Variants in MAGI2 observed in about 807,000 individuals in gnomAD.
MAGI2 encodes the protein membrane-associated guanylate kinase, WW and PDZ domain-containing protein 2.
In MAGI2, 35 loss-of-function variants were observed where a neutral mutation model predicts 133.3. That is an observed-to-expected ratio of 0.26 (90% CI 0.20 to 0.35). MAGI2 has a LOEUF of 0.35. Among genes scored for constraint, MAGI2 ranks in the 10% least tolerant of loss-of-function variants. The pLI, the probability that MAGI2 is intolerant of heterozygous loss-of-function variation, is 1.00. For missense variants in MAGI2, 1,636 were observed against 1,863.4 expected, an observed-to-expected ratio of 0.88 and a Z score of 2.25; for synonymous variants, 729 against 710.6, an observed-to-expected ratio of 1.03 and a Z score of -0.41.
rs1563065561 is a variant in MAGI2, at chr7:78,482,890, CACACACACACA to C, written c.1045+6860_1045+6870del. Among the ~76,000 whole-genome samples, 825 of 148,646 alleles carry C rather than the reference CACACACACACA, an allele frequency of 5.6e-3. 4 individuals carry two copies. Among genetic ancestry groups the C allele is most frequent in the African/African-American group, 0.017 (663 of 39,432 alleles). The stretch of plus-strand genomic sequence containing the variant: ...CATCACATGGAACTACACACACACA[CACACACACACA>C]CACACACACACACACACACACACGA... On this transcript the variant is annotated intron_variant, in intron 6 of 21. Coordinates refer to ENST00000354212, the MANE Select transcript of MAGI2 (RefSeq NM_012301.4).
At chr7:79,402,244 A>T (rs2129163530) in intron 1 of MAGI2, among the ~76,000 whole-genome samples, 1 of 152,224 alleles carries the variant, frequency 6.6e-6, no homozygotes, top group Admixed American at 6.5e-5. Flanking sequence ...GAACTAATAA[A>T]TTTTTTAAAA....
intron 3 of MAGI2, among the ~76,000 whole-genome samples, chr7:78,587,446 T>C (rs192722498): frequency 4.7e-4 from 72 of 152,322 alleles, no homozygotes; most frequent in Non-Finnish European, 8.8e-5. Context: ...CTAAATGCAG[T>C]TCATTAAAAA....
intron 2 of MAGI2, among the ~76,000 whole-genome samples, chr7:78,634,877 A>G (rs145835560): frequency 1.3e-5 from 2 of 152,254 alleles, no homozygotes; most frequent in East Asian, 1.9e-4. Context: ...GGTGTATAGG[A>G]AAGTCCAAAA....
chr7:78,437,567 C>T (rs1787168062), intron 6 of MAGI2, among the ~76,000 whole-genome samples: 1 of 152,148 alleles, frequency 6.6e-6, no homozygotes, highest in South Asian at 2.1e-4. Flanking sequence ...GTGCCCTCAT[C>T]TTGACAGCAG....
At chr7:78,354,969 A>T (rs1791912268) in intron 7 of MAGI2, among the ~76,000 whole-genome samples, 1 of 152,164 alleles carries the variant, frequency 6.6e-6, no homozygotes, top group Admixed American at 6.5e-5. Flanking sequence ...TAGAGGATAA[A>T]GGTTCAGCAG....
At chr7:78,573,245 T>TATAA (rs1354079193) in intron 3 of MAGI2, among the ~76,000 whole-genome samples, 1 of 52,430 alleles carries the variant, frequency 1.9e-5, no homozygotes, top group African/African-American at 8.8e-5. Context: ...TATATATATA[T>TATAA]AAATATATAT....
At chr7:78,986,751 T>C (rs1416959568) in intron 2 of MAGI2, among the ~76,000 whole-genome samples, 1 of 152,040 alleles carries the variant, frequency 6.6e-6, no homozygotes, top group Non-Finnish European at 1.5e-5. Flanking sequence ...TGACCTCAGA[T>C]ATATACATAT....
intron 6 of MAGI2, among the ~76,000 whole-genome samples, chr7:78,426,625 T>G (rs1799306917): frequency 6.6e-6 from 1 of 150,492 alleles, no homozygotes; most frequent in African/African-American, 2.4e-5. Flanking sequence ...ATAAATTAAT[T>G]AAAAAAAAAG....
At chr7:78,577,346 T>C (rs1347284478) in intron 3 of MAGI2, among the ~76,000 whole-genome samples, 2 of 152,190 alleles carry the variant, frequency 1.3e-5, no homozygotes, top group East Asian at 3.8e-4. Context: ...GGGGTCCTAA[T>C]TGAATTAAAA....
chr7:78,393,516 C>G (rs1299341370), intron 6 of MAGI2, among the ~76,000 whole-genome samples: 1 of 152,156 alleles, frequency 6.6e-6, no homozygotes, highest in Admixed American at 6.5e-5. Context: ...GTTTTGCCAC[C>G]TTTCTTGTGA....
chr7:78,195,052 T>A lies in MAGI2; in HGVS notation c.2091A>T (p.Arg697=). The change falls in exon 12 of 22, where the codon CGA becomes CGT. Residue 697 remains arginine (R), a synonymous_variant. Transcript: ENST00000354212. ...TTTGAGGACTGCCTTGATTCTCCCA[T>A]CGGTCCATTATCTGAAAAGTGACAG... ...PWKTPKPIMD[R]WENQGSPQTS... The A allele has an allele frequency of 6.2e-7, 1 of 1,606,368 alleles. No homozygotes were observed. The highest frequency in any genetic ancestry group is 1.7e-4 in the Middle Eastern group (1 of 6,014).
chr7:79,214,433 AT>A (rs1439022619), intron 1 of MAGI2, among the ~76,000 whole-genome samples: 3 of 128,354 alleles, frequency 2.3e-5, no homozygotes, highest in East Asian at 4.5e-4. Context: ...ATATATATAT[AT>A]ATATATATAA....
At chr7:78,907,813 AAGG>A (rs1165517375) in intron 2 of MAGI2, among the ~76,000 whole-genome samples, 1 of 152,146 alleles carries the variant, frequency 6.6e-6, no homozygotes, top group African/African-American at 2.4e-5. Context: ...ATGTTTCAGA[AAGG>A]AGGTGTGGGG....
intron 9 of MAGI2, among the ~76,000 whole-genome samples, chr7:78,266,140 G>T (rs1206982289): frequency 1.3e-5 from 2 of 152,206 alleles, no homozygotes; most frequent in Non-Finnish European, 2.9e-5. Flanking sequence ...GTAATTGTGT[G>T]TGTATGTGTG....
At chr7:78,719,980 G>A (rs141188946) in intron 2 of MAGI2, among the ~76,000 whole-genome samples, 108 of 151,728 alleles carry the variant, frequency 7.1e-4, no homozygotes, top group African/African-American at 2.6e-3. Context: ...AAATCTACTC[G>A]GTTATCTTTC....
chr7:79,430,683 G>A (rs1847718553), intron 1 of MAGI2, among the ~76,000 whole-genome samples: 1 of 152,106 alleles, frequency 6.6e-6, no homozygotes, highest in Non-Finnish European at 1.5e-5. Context: ...TGCTGGTATT[G>A]TGACATATAT....
At chr7:78,213,074 A>G (rs1248235954) in intron 10 of MAGI2, among the ~76,000 whole-genome samples, 1 of 152,198 alleles carries the variant, frequency 6.6e-6, no homozygotes, top group African/African-American at 2.4e-5. Context: ...CTCCCAGAAA[A>G]ATTGCACTTT....
intron 1 of MAGI2, among the ~76,000 whole-genome samples, chr7:79,017,968 C>A (rs1213799933): frequency 2.0e-5 from 3 of 152,052 alleles, no homozygotes; most frequent in Non-Finnish European, 4.4e-5. Context: ...TATTGGCATG[C>A]CTGAGAGACA....
chr7:78,300,301 T>C (rs1797717169), intron 9 of MAGI2, among the ~76,000 whole-genome samples: 1 of 152,314 alleles, frequency 6.6e-6, no homozygotes, highest in African/African-American at 2.4e-5. Flanking sequence ...TACATATCAG[T>C]GTAATTGTTT....
Sources: gnomAD v4.1 joint callset for allele counts (sites outside exome capture counted in the v4.1 genomes callset) on GRCh38, gnomAD v4.1.1 for gene constraint, MANE v1.5 for transcripts, NCBI Gene and HGNC (gene_info 2026-07-23, HGNC 2026-07-21) for gene names.